The following GRAP variants were observed in gnomAD, a reference collection of about 807,000 sequenced individuals.
GRAP encodes the protein GRB2 related adaptor protein.
A neutral mutation model predicts 9.1 loss-of-function variants in GRAP; 2 were observed. The observed-to-expected ratio is 0.22, with a 90% confidence interval of 0.09 to 0.69. GRAP has a LOEUF of 0.69. GRAP is among the 30% of genes least tolerant of loss of function. GRAP has a pLI of 0.81. For synonymous variants in GRAP, 68 were observed against 73.6 expected, an observed-to-expected ratio of 0.92 and a Z score of 0.39; for missense variants, 113 against 179.4, an observed-to-expected ratio of 0.63 and a Z score of 2.12.
upstream of GRAP, among the ~76,000 whole-genome samples, chr17:19,048,199 C>T (rs1597931526): frequency 1.7e-5 from 2 of 118,318 alleles, no homozygotes; most frequent in South Asian, 3.4e-4. Context: ...AAATAAATCT[C>T]TACCTTTCCT....
Position 19,024,675 on chromosome 17 carries a change from C to T in GRAP, c.300-292G>A, listed in dbSNP as rs2044299114. Reference sequence around the variant, plus strand: ...CAACTTCTCTGAACCTCAGTTTTCTCATAATGATAACATCTCCGTTATGGA... The same window carrying T: ...CAACTTCTCTGAACCTCAGTTTTCTTATAATGATAACATCTCCGTTATGGA... On this transcript the variant is annotated intron_variant, in intron 3 of 4. Transcript: ENST00000284154. The surrounding 1 kb of genome is among the most constrained non-coding windows in gnomAD (Gnocchi z 4.2). 6.6e-6 allele frequency among the ~76,000 whole-genome samples: 1 copy of T among 152,190 alleles called. No individual in the cohort carries two copies. Among genetic ancestry groups the T allele is most frequent in the South Asian group, 2.1e-4 (1 of 4,832 alleles).
At chr17:19,043,789 G>A (rs1414063253) in intron 1 of GRAP, among the ~76,000 whole-genome samples, 2 of 150,360 alleles carry the variant, frequency 1.3e-5, no homozygotes, top group Non-Finnish European at 3.0e-5. Context: ...GTCCTCCCTC[G>A]TCTGTCCAAT....
rs1341105470 is a variant in GRAP at position 19,024,652 on chromosome 17, ACTT to A, written c.300-272_300-270del. 6.6e-6 allele frequency among the ~76,000 whole-genome samples: 1 copy of A among 152,160 alleles called. No homozygotes were observed. Among genetic ancestry groups the A allele is most frequent in the African/African-American group, 2.4e-5 (1 of 41,432 alleles). On this transcript the variant is annotated intron_variant, in intron 3 of 4. Transcript: ENST00000284154. The surrounding 1 kb of genome is among the most constrained non-coding windows in gnomAD (Gnocchi z 4.2). ...TGTGTGACCTCATGCAAGTCTCTCA[ACTT>A]CTCTGAACCTCAGTTTTCTCATAAT...
chr17:19,029,967 T>C (rs865998028), intron 3 of GRAP, among the ~76,000 whole-genome samples: 40 of 60,996 alleles, frequency 6.6e-4, no homozygotes, highest in Admixed American at 1.4e-3. Flanking sequence ...AGCGTCTCCA[T>C]TGTGTCTGAG....
intron 3 of GRAP, chr17:19,031,482 T>G (rs2044336763): frequency 7.6e-6 from 1 of 131,828 alleles, no homozygotes; most frequent in Non-Finnish European, 1.6e-5. Context: ...CTGCCTCTTC[T>G]CTAAGAGTGT....
chr17:19,023,137 T>G (rs1024615821), intron 4 of GRAP, among the ~76,000 whole-genome samples: 2 of 152,136 alleles, frequency 1.3e-5, no homozygotes, highest in Non-Finnish European at 2.9e-5. Context: ...AAAAGTGCCC[T>G]GAGGCTGGGA....
At chr17:19,023,550 G>A (rs1345486317) in intron 4 of GRAP, among the ~76,000 whole-genome samples, 1 of 152,194 alleles carries the variant, frequency 6.6e-6, no homozygotes, top group Admixed American at 6.5e-5. Flanking sequence ...ATCAGCTTCA[G>A]AGCTGGCCCT....
At position 19,024,447 on chromosome 17, in the gene GRAP, G is replaced by C. The variant is rs1485825839; in HGVS notation, c.300-64C>G. On this transcript the variant is annotated intron_variant, in intron 3 of 4. Coordinates refer to ENST00000284154, the MANE Select transcript of GRAP (RefSeq NM_006613.4). This position sits in a 1 kb window ranked among gnomAD's most constrained non-coding sequence, Gnocchi z 4.2. ...GTCCCAGCCTGGCATGGTCCCAGGG[G>C]CTCCCGTCTCACTACCACCTGGAAC... The C allele has an allele frequency of 3.2e-6, 5 of 1,556,610 alleles. No homozygotes were observed. In the South Asian group the frequency reaches 5.9e-5, roughly 18 times the overall value.
Position 19,022,018 on chromosome 17 carries a change from G to C in GRAP, c.595C>G (p.Arg199Gly). Reference protein sequence around the residue: ...ERPDPHWWRGRSCGRVGFFPR... With the variant: ...ERPDPHWWRGGSCGRVGFFPR... ...AAGAAGCCAACGCGCCCGCAGGACC[G>C]GCCCCGCCACCAGTGGGGGTCTGGG... Residue 199 changes from arginine to glycine, a missense_variant, in exon 5 of 5, where the codon CGG becomes GGG. Physicochemically the swap from Arg to Gly is moderately radical, Grantham distance 125 (BLOSUM62 -2). Coordinates refer to ENST00000284154, the MANE Select transcript of GRAP (RefSeq NM_006613.4). 1 of 1,597,874 alleles carries C rather than the reference G, an allele frequency of 6.3e-7. No homozygotes were observed. Among genetic ancestry groups the C allele is most frequent in the Non-Finnish European group, 8.5e-7 (1 of 1,173,188 alleles).
At chr17:19,025,044 T>C (rs1310632694) in intron 3 of GRAP, among the ~76,000 whole-genome samples, 2 of 152,162 alleles carry the variant, frequency 1.3e-5, no homozygotes, top group Non-Finnish European at 2.9e-5. Context: ...TTCATTTACT[T>C]TATATCCTCT....
At chr17:19,025,194 CT>C (rs577399592) in intron 3 of GRAP, among the ~76,000 whole-genome samples, 352 of 117,526 alleles carry the variant, frequency 3.0e-3, no homozygotes, top group Middle Eastern at 6.3e-3. Flanking sequence ...CTTTTCTTTT[CT>C]TTTTTTTTTT....
chr17:19,041,311 GCCAATGT>G (rs1198949424), intron 2 of GRAP, among the ~76,000 whole-genome samples: 3 of 148,858 alleles, frequency 2.0e-5, no homozygotes, highest in African/African-American at 7.3e-5. Flanking sequence ...ACTCTGCTCT[GCCAATGT>G]CCAACTCCCC....
Position 19,024,495 on chromosome 17 carries a change from T to C in GRAP, c.300-112A>G, listed in dbSNP as rs1276224740. 4.8e-5 allele frequency: 70 copies of C among 1,473,610 alleles called. No individual in the cohort carries two copies. The highest frequency in any genetic ancestry group is 6.0e-5 in the Non-Finnish European group (67 of 1,110,096). 91.3% of individuals were successfully genotyped at this position (1,473,610 alleles called of 1,614,324 possible). Reference sequence around the variant, plus strand: ...AACCAGCCTGTCTCACGGTGGGACCTGGAGTCAGATAAGGTGCAAGTGGGA... The same window carrying C: ...AACCAGCCTGTCTCACGGTGGGACCCGGAGTCAGATAAGGTGCAAGTGGGA... On this transcript the variant is annotated intron_variant, in intron 3 of 4. Coordinates refer to ENST00000284154, the MANE Select transcript of GRAP (RefSeq NM_006613.4). The surrounding 1 kb of genome is among the most constrained non-coding windows in gnomAD (Gnocchi z 4.2).
intron 3 of GRAP, chr17:19,032,855 A>T (rs1367063779): frequency 4.0e-5 from 1 of 25,022 alleles, no homozygotes; most frequent in East Asian, 5.2e-4. Flanking sequence ...CCGGGGCTGC[A>T]GGGAAGTGGT....
At position 19,022,245 on chromosome 17, in the gene GRAP, G is replaced by C. The variant is rs909219487; in HGVS notation, c.469-101C>G. 1.1e-5 allele frequency: 7 copies of C among 629,190 alleles called. No homozygotes were observed. The Admixed American group carries it at 2.7e-4, about 24-fold the overall frequency. The allele number at this position is 629,190 out of a possible 1,614,324, so 39.0% of individuals were successfully genotyped here. A position where few individuals can be genotyped will look rare whatever the true frequency, so the allele number is the denominator to read the frequency against. On this transcript the variant is annotated intron_variant, in intron 4 of 4. Coordinates refer to ENST00000284154, the MANE Select transcript of GRAP (RefSeq NM_006613.4). ...GAAGTGATTTGCCACAGGTGAGGAG[G>C]GGTCTCGGGCAGCACCGGAGTTGAA... is the stretch of plus-strand genomic sequence containing the variant.
Position 19,021,477 on chromosome 17 carries a change from C to G in GRAP, c.*482G>C, listed in dbSNP as rs1452937994. On this transcript the variant is annotated 3_prime_UTR_variant, in exon 5 of 5. Coordinates refer to ENST00000284154, the MANE Select transcript of GRAP (RefSeq NM_006613.4). The surrounding 1 kb of genome is among the most constrained non-coding windows in gnomAD (Gnocchi z 4.1). ...TTAGGTCAACAGGTGTGCAGTCTGT[C>G]CTTCGAGGCTGAGCCACCTCCCAAC... The G allele has an allele frequency of 4.6e-6, 1 of 217,618 alleles. No individual in the cohort carries two copies. 13.5% of individuals were successfully genotyped at this position (217,618 alleles called of 1,614,324 possible).
intron 3 of GRAP, chr17:19,030,475 GGCAGCAGACAGGA>G: frequency 8.6e-6 from 1 of 116,316 alleles, no homozygotes; most frequent in East Asian, 1.7e-4. Context: ...CAACCTGTTC[GGCAGCAGACAGGA>G]ACCAGAGTCA....
chr17:19,025,313 T>A (rs906044380), intron 3 of GRAP, among the ~76,000 whole-genome samples: 5 of 149,222 alleles, frequency 3.4e-5, no homozygotes, highest in African/African-American at 1.2e-4. Flanking sequence ...TGCCTCAGCC[T>A]CCTGAGTAGC....
At chr17:19,023,211 G>C (rs2044287062) in intron 4 of GRAP, among the ~76,000 whole-genome samples, 1 of 152,140 alleles carries the variant, frequency 6.6e-6, no homozygotes, top group Non-Finnish European at 1.5e-5. Context: ...AACTAGTGGG[G>C]GTCTCTCAAG....
Sources: gnomAD v4.1 joint callset for allele counts (sites outside exome capture counted in the v4.1 genomes callset) on GRCh38, gnomAD v4.1.1 for gene constraint, Gnocchi (gnomAD v3.1) non-coding constraint, MANE v1.5 for transcripts, NCBI Gene and HGNC (gene_info 2026-07-23, HGNC 2026-07-21) for gene names.